Variants in USH1C observed in about 807,000 individuals in gnomAD.
USH1C encodes USH1 protein network component harmonin.
In USH1C, 90 loss-of-function variants were observed where a neutral mutation model predicts 119.3. The observed-to-expected ratio is 0.75, with a 90% CI of 0.64 to 0.90. USH1C has a LOEUF of 0.90. Among genes scored for constraint, USH1C ranks in the 40% least tolerant of loss-of-function variants. The probability of loss-of-function intolerance (pLI) is 0.00; values close to 1 mark genes in which losing one functional copy is unlikely to be tolerated. For missense variants in USH1C, 1,165 were observed against 1,167.7 expected (o/e 1.00, Z 0.03); for synonymous variants, 465 against 443.3 (o/e 1.05, Z -0.62).
chr11:17,541,268 ACTAC>A (rs1376400402), intron 1 of USH1C, among the ~76,000 whole-genome samples: 1 of 152,128 alleles, frequency 6.6e-6, no homozygotes, highest in Non-Finnish European at 1.5e-5. Flanking sequence ...TTTCCTTTTA[ACTAC>A]CTGTCTTCCC....
In USH1C at chr11:17,544,377, A is replaced by C; in HGVS notation, c.-70T>G. ...GGGTGCCCGGCTGCCAGGAGCTGGAAAGAGCCGCGACCGCGACCGGGCCAG... is the reference window on the plus strand; with the variant it reads ...GGGTGCCCGGCTGCCAGGAGCTGGACAGAGCCGCGACCGCGACCGGGCCAG... On this transcript the variant is annotated 5_prime_UTR_variant, in exon 1 of 27. Coordinates refer to ENST00000005226, the MANE Select transcript of USH1C (RefSeq NM_153676.4). 8 of 1,609,792 alleles carry C rather than the reference A, an allele frequency of 5.0e-6. No individual in the cohort carries two copies. The South Asian group carries it at 7.7e-5, about 16-fold the overall frequency.
intron 1 of USH1C, among the ~76,000 whole-genome samples, chr11:17,535,780 T>C (rs1261846304): frequency 2.0e-5 from 3 of 152,114 alleles, no homozygotes; most frequent in Non-Finnish European, 4.4e-5. Context: ...GTTTATCACA[T>C]TGGGGCAATA....
intron 1 of USH1C, among the ~76,000 whole-genome samples, chr11:17,538,781 A>G (rs575601134): frequency 1.3e-5 from 2 of 152,190 alleles, no homozygotes; most frequent in East Asian, 1.9e-4. Flanking sequence ...GGAGACAGGA[A>G]CTGAGGCTCC....
At chr11:17,539,270 C>G (rs1455881398) in intron 1 of USH1C, among the ~76,000 whole-genome samples, 1 of 152,178 alleles carries the variant, frequency 6.6e-6, no homozygotes, top group Admixed American at 6.5e-5. Context: ...TGAACTTTCT[C>G]CCTTTACCCT....
Position 17,533,517 on chromosome 11 carries a change from G to A in USH1C, c.37-195C>T, listed in dbSNP as rs1409530545. ...TCAGACCTATGCAGACCACCCCAAC[G>A]TGGCCACAGGAGTACCGCTGCCCCT... On this transcript the variant is annotated intron_variant, in intron 1 of 26. Transcript: ENST00000005226. The A allele has an allele frequency of 2.0e-4, 128 of 651,948 alleles. 2 individuals are homozygous for A. Among genetic ancestry groups the A allele is most frequent in the Non-Finnish European group, 4.5e-5 (16 of 358,690 alleles). 40.4% of individuals were successfully genotyped at this position (651,948 alleles called of 1,614,324 possible). A position where few individuals can be genotyped will look rare whatever the true frequency, so the allele number is the denominator to read the frequency against.
chr11:17,498,407 A>G (rs1849320132), intron 23 of USH1C, 136 bp from the exon 24 acceptor site: 6 of 853,616 alleles, frequency 7.0e-6, no homozygotes, highest in Non-Finnish European at 1.0e-5. Context: ...GTGGACTCAG[A>G]AAGCATGAGG....
chr11:17,504,372 T>C (rs1591968132), intron 20 of USH1C, among the ~76,000 whole-genome samples: 1 of 152,202 alleles, frequency 6.6e-6, no homozygotes, highest in Non-Finnish European at 1.5e-5. Flanking sequence ...CCTGCTCCTC[T>C]CTGGACAAAC....
At position 17,521,364 on chromosome 11, in the gene USH1C, T is replaced by C; in HGVS notation, c.1067A>G (p.Tyr356Cys). The C allele has an allele frequency of 6.2e-7, 1 of 1,614,142 alleles. No homozygotes were observed. Among genetic ancestry groups the C allele is most frequent in the Admixed American group, 1.7e-5 (1 of 60,022 alleles). Residue 356 changes from tyrosine (Y) to cysteine (C), a missense_variant, in exon 13 of 27, where the codon TAC becomes TGC. By Grantham distance (194) the Tyr-to-Cys change is radical. Coordinates refer to ENST00000005226, the MANE Select transcript of USH1C (RefSeq NM_153676.4). ...TACTCACTGTTCCATCTCCTTCCGG[T>C]ATCTCTCATTTTCCTCTGCTGCCTT... The part of the protein sequence containing the change: ...AQKAAEENER[Y>C]RKEMEQIVEE...
chr11:17,533,553 C>T, intron 1 of USH1C: 1 of 633,508 alleles, frequency 1.6e-6, no homozygotes, highest in Non-Finnish European at 2.9e-6. Flanking sequence ...CCAGATGTGG[C>T]CAGGCACCCT....
chr11:17,500,922 G>A, intron 23 of USH1C, 129 bp downstream of exon 23: 1 of 778,776 alleles, frequency 1.3e-6, no homozygotes, highest in South Asian at 1.5e-5. Flanking sequence ...CGGATGGATG[G>A]ACCCGAGTGG....
chr11:17,498,825 A>C (rs967938646), intron 23 of USH1C, among the ~76,000 whole-genome samples: 2 of 152,204 alleles, frequency 1.3e-5, no homozygotes, highest in Non-Finnish European at 2.9e-5. Context: ...CACAATTCGT[A>C]ATCATTAATC....
At chr11:17,509,161 C>T (rs1849759522) in intron 18 of USH1C, among the ~76,000 whole-genome samples, 195 bp downstream of exon 18, 1 of 152,226 alleles carries the variant, frequency 6.6e-6, no homozygotes, top group African/African-American at 2.4e-5. Flanking sequence ...TACAATACAG[C>T]ACTTCAAAAT....
Position 17,494,506 on chromosome 11 carries a change from C to A in USH1C, c.2656-130G>T, listed in dbSNP as rs866932527. 2.8e-5 allele frequency: 29 copies of A among 1,043,124 alleles called. No homozygotes were observed. The Middle Eastern group carries it at 1.4e-3, about 50-fold the overall frequency. 64.6% of individuals were successfully genotyped at this position (1,043,124 alleles called of 1,614,324 possible). On this transcript the variant is annotated intron_variant, in intron 26 of 26. Coordinates refer to ENST00000005226, the MANE Select transcript of USH1C (RefSeq NM_153676.4). ...CAAGGCCCTGCCACCCTTTGGAGACCCCTCTGGGTGCAGGCCCCAAGTGGC... is the reference window on the plus strand; with the variant it reads ...CAAGGCCCTGCCACCCTTTGGAGACACCTCTGGGTGCAGGCCCCAAGTGGC...
chr11:17,513,317 C>A (rs969261999), intron 15 of USH1C, among the ~76,000 whole-genome samples: 2 of 152,074 alleles, frequency 1.3e-5, no homozygotes, highest in Non-Finnish European at 1.5e-5. Flanking sequence ...AAGGAGGAAA[C>A]CCCCTGTTCA....
Position 17,527,258 on chromosome 11 carries a change from A to G in USH1C, c.461T>C (p.Ile154Thr). 1 of 1,611,208 alleles carries G rather than the reference A, an allele frequency of 6.2e-7. No individual in the cohort carries two copies. Among genetic ancestry groups the G allele is most frequent in the South Asian group, 1.1e-5 (1 of 90,862 alleles). ...GATGGACACAGTTTTCTTGGTTCGAATGAGGTTGATGACCTCCTCATGGGT... is the reference window on the plus strand; with the variant it reads ...GATGGACACAGTTTTCTTGGTTCGAGTGAGGTTGATGACCTCCTCATGGGT... ...SCTHEEVINL[I>T]RTKKTVSIKV... Residue 154 changes from isoleucine to threonine, a missense_variant, in exon 5 of 27, where the codon ATT becomes ACT. Coordinates refer to ENST00000005226, the MANE Select transcript of USH1C (RefSeq NM_153676.4).
At chr11:17,524,664 C>G (rs186782441) in intron 8 of USH1C, 129 bp from the exon 9 acceptor site, 8 of 1,044,486 alleles carry the variant, frequency 7.7e-6, no homozygotes, top group Admixed American at 4.1e-5. Context: ...GTGTCCCTCT[C>G]CAGCCTGATT....
chr11:17,509,898 T>C (rs978895285), intron 17 of USH1C, 60 bp from the exon 18 acceptor site: 6 of 1,542,950 alleles, frequency 3.9e-6, no homozygotes, highest in Non-Finnish European at 5.2e-6. Flanking sequence ...CACTTCACAA[T>C]ACAGCGAGCA....
intron 13 of USH1C, 107 bp downstream of exon 13, chr11:17,521,239 G>A: frequency 3.2e-6 from 4 of 1,237,738 alleles, no homozygotes; most frequent in East Asian, 2.3e-5. Flanking sequence ...CCCACCAGGG[G>A]ATGAGAGAAC....
chr11:17,513,775 T>C (rs1404931409), intron 15 of USH1C, among the ~76,000 whole-genome samples: 1 of 151,404 alleles, frequency 6.6e-6, no homozygotes, highest in Non-Finnish European at 1.5e-5. Context: ...GAGCCTGGCC[T>C]CCTCCAGGAC....
Sources: gnomAD v4.1 joint callset for allele counts (sites outside exome capture counted in the v4.1 genomes callset) on GRCh38, gnomAD v4.1.1 for gene constraint, MANE v1.5 for transcripts, NCBI Gene and HGNC (gene_info 2026-07-23, HGNC 2026-07-21) for gene names.